The following TARBP1 variants were observed in gnomAD, a reference collection of about 807,000 sequenced individuals.
TARBP1 encodes tRNA guanosine 2 -O-methyltransferase TARBP1, also known as tRNA (guanosine(18)-2'-O)-methyltransferase TARBP1.
TARBP1 carries 144 observed loss-of-function variants against 178.6 expected under a neutral mutation model. The observed-to-expected ratio is 0.81, with a 90% CI of 0.70 to 0.93. TARBP1 has a LOEUF of 0.93. TARBP1 is among the 40% of genes least tolerant of loss of function. The probability of loss-of-function intolerance (pLI) is 0.00; values close to 1 mark genes in which losing one functional copy is unlikely to be tolerated. For synonymous variants in TARBP1, 787 were observed against 781.0 expected (o/e 1.01, Z -0.13); for missense variants, 2,067 against 2,011.7 (o/e 1.03, Z -0.53).
In TARBP1 at chr1:234,393,647, T is replaced by G. The variant is rs1240406652; in HGVS notation, c.4434A>C (p.Gly1478=). 6.2e-7 allele frequency: 1 copy of G among 1,602,368 alleles called. No individual in the cohort carries two copies. Among genetic ancestry groups the G allele is most frequent in the Non-Finnish European group, 8.5e-7 (1 of 1,171,628 alleles). ...ASLIDKPTNL[G]GLCRTCEVFG... is the part of the protein sequence containing the mutation. The stretch of plus-strand genomic sequence containing the variant: ...GCTCCCAGAAAACTCCAACTTTACC[T>G]CCTAAATTGGTCGGTTTGTCGATGA... Residue 1478 remains glycine (G), a splice_region_variant and synonymous_variant, in exon 27 of 30, where the codon GGA becomes GGC. Coordinates refer to ENST00000040877, the MANE Select transcript of TARBP1 (RefSeq NM_005646.4).
At chr1:234,465,841 C>T in intron 4 of TARBP1, 133 bp from the exon 5 acceptor site, 2 of 673,626 alleles carry the variant, frequency 3.0e-6, no homozygotes, top group Non-Finnish European at 4.5e-6. Context: ...ATCTCTTACG[C>T]TGCAGGCTAA....
intron 20 of TARBP1, among the ~76,000 whole-genome samples, chr1:234,423,470 A>C (rs1178310868): frequency 2.0e-5 from 3 of 152,116 alleles, no homozygotes; most frequent in Non-Finnish European, 4.4e-5. Flanking sequence ...CAAACTCCTA[A>C]GAGACTCTAT....
At chr1:234,439,446 G>T (rs1665370037) in intron 12 of TARBP1, among the ~76,000 whole-genome samples, 1 of 151,932 alleles carries the variant, frequency 6.6e-6, no homozygotes, top group Non-Finnish European at 1.5e-5. Context: ...GCAATCCTAA[G>T]GCAACCACAC....
At chr1:234,465,008 T>C (rs1320944164) in intron 5 of TARBP1, among the ~76,000 whole-genome samples, 1 of 152,132 alleles carries the variant, frequency 6.6e-6, no homozygotes, top group Non-Finnish European at 1.5e-5. Flanking sequence ...CTTGCAGTAC[T>C]GAACTAAAAC....
At chr1:234,453,697 G>A (rs1352189041) in intron 9 of TARBP1, among the ~76,000 whole-genome samples, 3 of 151,898 alleles carry the variant, frequency 2.0e-5, no homozygotes, top group African/African-American at 7.3e-5. Flanking sequence ...AAAGTTATAG[G>A]ATACAGTCAA....
chr1:234,418,272 T>A (rs763691528), intron 21 of TARBP1, 39 bp from the exon 22 acceptor site: 7 of 1,503,164 alleles, frequency 4.7e-6, no homozygotes, highest in Non-Finnish European at 6.2e-6. Context: ...TTACAGTTAT[T>A]CATTTTAATT....
Position 234,425,781 on chromosome 1 carries a change from TTCTC to T in TARBP1, c.3332_3335del (p.Arg1111LysfsTer5), listed in dbSNP as rs1663680905. 9 of 1,584,938 alleles carry T rather than the reference TTCTC, an allele frequency of 5.7e-6. No homozygotes were observed. Among genetic ancestry groups the T allele is most frequent in the African/African-American group, 1.3e-5 (1 of 74,142 alleles). ...CAGCACAAATTCTCACATAATGGTC[TTCTC>T]TCTTAGTACTAAAAAAATTAAATGA... On this transcript the variant is annotated frameshift_variant, in exon 20 of 30. Coordinates refer to ENST00000040877, the MANE Select transcript of TARBP1 (RefSeq NM_005646.4). LOFTEE classifies it high-confidence loss of function.
At chr1:234,406,461 T>G (rs1021518970) in intron 23 of TARBP1, 1 of 189,824 alleles carries the variant, frequency 5.3e-6, no homozygotes, top group Admixed American at 5.4e-5. Flanking sequence ...TCTTAATTTG[T>G]GCTGAGAAAG....
chr1:234,409,146 C>G (rs538008062), intron 23 of TARBP1, among the ~76,000 whole-genome samples: 1 of 151,836 alleles, frequency 6.6e-6, no homozygotes, highest in African/African-American at 2.4e-5. Context: ...TTAGGTATGT[C>G]AAGTCAGTTT....
intron 9 of TARBP1, among the ~76,000 whole-genome samples, chr1:234,453,327 G>T (rs967705093): frequency 9.6e-6 from 1 of 104,160 alleles, no homozygotes; most frequent in African/African-American, 4.8e-5. Context: ...CTTTTTTTGT[G>T]TGTTTTTTTT....
chr1:234,453,071 G>A (rs1666940333), intron 9 of TARBP1, among the ~76,000 whole-genome samples: 1 of 152,166 alleles, frequency 6.6e-6, no homozygotes, highest in Non-Finnish European at 1.5e-5. Flanking sequence ...GGATGAACAG[G>A]CAGAGCACAG....
At chr1:234,440,926 G>A (rs1030823509) in intron 12 of TARBP1, among the ~76,000 whole-genome samples, 8 of 152,228 alleles carry the variant, frequency 5.3e-5, no homozygotes, top group Non-Finnish European at 1.0e-4. Flanking sequence ...GCTCATACCT[G>A]TAATCCCAGC....
intron 28 of TARBP1, among the ~76,000 whole-genome samples, chr1:234,393,120 C>T (rs949777237): frequency 6.6e-6 from 1 of 152,128 alleles, no homozygotes; most frequent in African/African-American, 2.4e-5. Context: ...ATTTCTAAAA[C>T]TGTGACCTAT....
At chr1:234,413,569 G>C (rs1187534270) in intron 22 of TARBP1, among the ~76,000 whole-genome samples, 1 of 152,216 alleles carries the variant, frequency 6.6e-6, no homozygotes, top group Non-Finnish European at 1.5e-5. Context: ...AGTGAATTGA[G>C]AATAGACCAC....
At chr1:234,460,711 C>T (rs1397531124) in intron 6 of TARBP1, among the ~76,000 whole-genome samples, 2 of 152,146 alleles carry the variant, frequency 1.3e-5, no homozygotes, top group African/African-American at 4.8e-5. Context: ...CCAAGAGAAT[C>T]AAAGATGTGT....
intron 6 of TARBP1, among the ~76,000 whole-genome samples, chr1:234,462,340 T>C (rs1196046429): frequency 3.9e-5 from 6 of 152,196 alleles, no homozygotes; most frequent in Admixed American, 3.9e-4. Flanking sequence ...GACAAATTCA[T>C]CCCCATATGG....
At chr1:234,467,374 G>A (rs1571866575) in intron 4 of TARBP1, 128 bp downstream of exon 4, 2 of 942,876 alleles carry the variant, frequency 2.1e-6, no homozygotes, top group Non-Finnish European at 3.0e-6. Flanking sequence ...TAGGAAAGCT[G>A]GGTTTAGAGA....
chr1:234,393,700 T>C lies in TARBP1; in HGVS notation c.4381A>G (p.Ile1461Val), dbSNP rs2275654. 1,601 of 1,614,062 alleles carry C rather than the reference T, an allele frequency of 9.9e-4. 11 individuals are homozygous for C. In the East Asian group the frequency reaches 0.02, roughly 21 times the overall value. ...QDRAARLGKSISRLIVVASLI... is the reference protein window; with the variant it reads ...QDRAARLGKSVSRLIVVASLI... ...GAGGCCACAACGATGAGTCTACTAA[T>C]TGACTTTCCAAGTCTGGCAGCACGA... The change falls in exon 27 of 30, where the codon ATT becomes GTT. Residue 1461 changes from isoleucine (I) to valine (V), a missense_variant. Ile to Val is a conservative substitution (Grantham distance 29, BLOSUM62 3). Coordinates refer to ENST00000040877, the MANE Select transcript of TARBP1 (RefSeq NM_005646.4).
intron 12 of TARBP1, among the ~76,000 whole-genome samples, chr1:234,446,536 G>A (rs923645896): frequency 2.0e-5 from 3 of 151,374 alleles, no homozygotes; most frequent in Admixed American, 1.3e-4. Context: ...ACCAACACAC[G>A]GAAACCACTA....
Sources: allele counts gnomAD v4.1 joint callset (sites outside exome capture counted in the v4.1 genomes callset), GRCh38; gene constraint gnomAD v4.1.1; transcripts MANE v1.5; gene names NCBI Gene and HGNC (gene_info 2026-07-23, HGNC 2026-07-21).